The following WNK3 variants were observed in gnomAD, a reference collection of about 807,000 sequenced individuals.
WNK3 encodes the protein serine/threonine-protein kinase WNK3.
A neutral mutation model predicts 116.7 loss-of-function variants in WNK3; 18 were observed. The observed-to-expected ratio is 0.15, with a 90% CI of 0.11 to 0.23. The LOEUF is 0.23. Among genes scored for constraint, WNK3 ranks in the 10% least tolerant of loss-of-function variants. The pLI is 1.00. For missense variants in WNK3, 993 were observed against 1,323.8 expected (o/e 0.75, Z 3.88); for synonymous variants, 404 against 469.4 (o/e 0.86, Z 1.80).
intron 23 of WNK3, among the ~76,000 whole-genome samples, chrX:54,200,631 T>C (rs929069501): frequency 9.0e-6 from 1 of 111,532 alleles, no homozygotes; most frequent in African/African-American, 3.3e-5. Flanking sequence ...TGAGCTGACA[T>C]TGGAACCCAA....
chrX:54,264,928 G>A lies in WNK3; in HGVS notation c.2038-5590C>T, dbSNP rs73495059. Among the ~76,000 whole-genome samples, 603 of 109,717 alleles carry A rather than the reference G, an allele frequency of 5.5e-3. 5 individuals carry two copies. The highest frequency in any genetic ancestry group is 0.019 in the African/African-American group (572 of 30,175). On this transcript the variant is annotated intron_variant, in intron 10 of 23. Transcript: ENST00000354646. ...AGGAGAGGACAGACTGAGCCATTTCGCAGTCTGGAAGGTAGAGATCTTATA... is the reference window on the plus strand; with the variant it reads ...AGGAGAGGACAGACTGAGCCATTTCACAGTCTGGAAGGTAGAGATCTTATA...
At chrX:54,326,098 T>C (rs1434123079) in intron 2 of WNK3, among the ~76,000 whole-genome samples, 1 of 109,265 alleles carries the variant, frequency 9.2e-6, no homozygotes, top group African/African-American at 3.3e-5. Flanking sequence ...GTTTGATTTT[T>C]TTTTTTTTTT....
At chrX:54,239,758 C>T (rs782666173) in intron 17 of WNK3, among the ~76,000 whole-genome samples, 2 of 111,372 alleles carry the variant, frequency 1.8e-5, no homozygotes, top group Admixed American at 9.7e-5. Context: ...TCTTGTCCTT[C>T]TACTCCCCGC....
chrX:54,253,499 T>A (rs2068158445), intron 13 of WNK3, among the ~76,000 whole-genome samples: 2 of 110,889 alleles, frequency 1.8e-5, no homozygotes, highest in Non-Finnish European at 3.8e-5. Flanking sequence ...ACTCCTGGGC[T>A]CAAGTGATCC....
chrX:54,235,161 C>T (rs1557149837), intron 20 of WNK3, among the ~76,000 whole-genome samples: 1 of 112,275 alleles, frequency 8.9e-6, no homozygotes, highest in African/African-American at 3.2e-5. Context: ...TTTTTCTTCT[C>T]TGGGCAAGGC....
intron 22 of WNK3, among the ~76,000 whole-genome samples, chrX:54,228,054 C>T (rs782019515): frequency 1.8e-5 from 2 of 110,513 alleles, no homozygotes; most frequent in African/African-American, 6.6e-5. Context: ...CCATGCCTGG[C>T]TAATTTTATA....
In WNK3 at chrX:54,298,409, A is replaced by T; in HGVS notation, c.1179-15T>A. The T allele has an allele frequency of 9.0e-7, 1 of 1,114,475 alleles. No homozygotes were observed. Among genetic ancestry groups the T allele is most frequent in the Non-Finnish European group, 1.2e-6 (1 of 809,132 alleles). The allele number at this position is 1,114,475 out of a possible 1,213,427, so 91.8% of individuals were successfully genotyped here. On this transcript the variant is annotated splice_polypyrimidine_tract_variant and intron_variant, in intron 6 of 23. Transcript: ENST00000354646. ...TGATAGACAACCTAATAAACAAAAC[A>T]TATATCTCATTATCAGTTCTTCCAA...
chrX:54,351,932 CAATAA>C (rs1331904788), intron 1 of WNK3, among the ~76,000 whole-genome samples: 7 of 111,549 alleles, frequency 6.3e-5, no homozygotes, highest in African/African-American at 2.3e-4. Flanking sequence ...CAAAACAAAA[CAATAA>C]AATAAAGCAG....
At chrX:54,325,669 A>C (rs1481634486) in intron 2 of WNK3, among the ~76,000 whole-genome samples, 1 of 93,484 alleles carries the variant, frequency 1.1e-5, no homozygotes, top group Non-Finnish European at 2.1e-5. Context: ...ACAAGAGCGA[A>C]ACTCCCTCTC....
At chrX:54,226,460 ACT>A (rs2067841288) in intron 22 of WNK3, among the ~76,000 whole-genome samples, 1 of 87,140 alleles carries the variant, frequency 1.1e-5, no homozygotes, top group African/African-American at 4.4e-5. Context: ...ACAGGGTGAG[ACT>A]CTGTCTCAAA....
At chrX:54,259,579 CTGTTA>C (rs1391054829) in intron 10 of WNK3, among the ~76,000 whole-genome samples, 1 of 111,454 alleles carries the variant, frequency 9.0e-6, no homozygotes, top group Non-Finnish European at 1.9e-5. Flanking sequence ...AAAGTTATTA[CTGTTA>C]TATGTACTTT....
At chrX:54,294,962 A>C (rs2068681591) in intron 7 of WNK3, 115 bp from the exon 8 acceptor site, 1 of 582,558 alleles carries the variant, frequency 1.7e-6, no homozygotes, top group Non-Finnish European at 2.5e-6. Context: ...CAGTGGCATG[A>C]TCTCGGCTCA....
At chrX:54,344,285 T>C (rs1316470996) in intron 1 of WNK3, among the ~76,000 whole-genome samples, 26 of 109,359 alleles carry the variant, frequency 2.4e-4, no homozygotes, top group African/African-American at 7.6e-4. Flanking sequence ...CTACTAAAAA[T>C]ACAAAAAATT....
intron 10 of WNK3, among the ~76,000 whole-genome samples, chrX:54,268,766 T>C (rs2068346158): frequency 9.1e-6 from 1 of 110,318 alleles, no homozygotes; most frequent in Non-Finnish European, 1.9e-5. Context: ...GTAAATAAAA[T>C]AAGGTCCCCA....
chrX:54,323,448 C>T (rs1366789733), intron 2 of WNK3, among the ~76,000 whole-genome samples: 1 of 110,738 alleles, frequency 9.0e-6, no homozygotes, highest in Non-Finnish European at 1.9e-5. Flanking sequence ...ATGCTTGAGG[C>T]CAGGAGTTAG....
chrX:54,215,425 G>A (rs941044483), intron 22 of WNK3, among the ~76,000 whole-genome samples: 3 of 112,684 alleles, frequency 2.7e-5, no homozygotes, highest in African/African-American at 6.4e-5. Flanking sequence ...TCCCGACCGC[G>A]AGTGATCTGC....
chrX:54,297,967 G>T (rs2147125821), intron 7 of WNK3, among the ~76,000 whole-genome samples: 1 of 110,390 alleles, frequency 9.1e-6, no homozygotes, highest in African/African-American at 3.3e-5. Flanking sequence ...CAGCTACTCA[G>T]GAGGCTGAGG....
intron 22 of WNK3, among the ~76,000 whole-genome samples, chrX:54,222,936 A>ATG (rs2067786484): frequency 1.0e-5 from 1 of 97,754 alleles, no homozygotes; most frequent in South Asian, 4.5e-4. Flanking sequence ...ATATATATAT[A>ATG]TATAAAAAAA....
At chrX:54,331,037 AAAAT>A (rs2069163991) in intron 2 of WNK3, among the ~76,000 whole-genome samples, 1 of 108,275 alleles carries the variant, frequency 9.2e-6, no homozygotes, top group Non-Finnish European at 1.9e-5. Context: ...AAAAATTAAT[AAAAT>A]AAATAAAAAA....
Sources: gnomAD v4.1 joint callset for allele counts (sites outside exome capture counted in the v4.1 genomes callset) on GRCh38, gnomAD v4.1.1 for gene constraint, MANE v1.5 for transcripts, NCBI Gene and HGNC (gene_info 2026-07-23, HGNC 2026-07-21) for gene names.